The following LIMCH1 variants were observed in gnomAD, a reference collection of about 807,000 sequenced individuals.
The protein encoded by LIMCH1 is LIM and calponin homology domains 1, also known as LIM and calponin homology domains-containing protein 1.
A neutral mutation model predicts 176.5 loss-of-function variants in LIMCH1; 113 were observed. That is an observed-to-expected ratio of 0.64 (90% confidence interval 0.55 to 0.75). LIMCH1 has a LOEUF of 0.75. Among genes scored for constraint, LIMCH1 ranks in the 30% least tolerant of loss-of-function variants. The pLI is 0.00. For missense variants in LIMCH1, 1,674 were observed against 1,814.9 expected (o/e 0.92, Z 1.41); for synonymous variants, 619 against 645.9 (o/e 0.96, Z 0.63).
chr4:41,430,888 G>A (rs1301180264), intron 1 of LIMCH1, among the ~76,000 whole-genome samples: 1 of 147,742 alleles, frequency 6.8e-6, no homozygotes, highest in Non-Finnish European at 1.5e-5. Flanking sequence ...TTTCTGTTTT[G>A]TTTTTTTTTT....
At chr4:41,501,798 A>T (rs1052591301) in intron 2 of LIMCH1, among the ~76,000 whole-genome samples, 10 of 150,988 alleles carry the variant, frequency 6.6e-5, no homozygotes, top group Non-Finnish European at 1.5e-5. Context: ...TTAATTTAGA[A>T]TCAGGAAGGC....
chr4:41,599,330 T>A (rs1006660413), intron 2 of LIMCH1, among the ~76,000 whole-genome samples: 6 of 152,190 alleles, frequency 3.9e-5, no homozygotes, highest in Admixed American at 2.6e-4. Context: ...ACAGAATCAG[T>A]GTGTTAGACA....
At chr4:41,426,059 T>C (rs934048030) in intron 1 of LIMCH1, among the ~76,000 whole-genome samples, 7 of 145,606 alleles carry the variant, frequency 4.8e-5, no homozygotes, top group African/African-American at 1.8e-4. Context: ...TCTCGCTCTG[T>C]CGCCCAGGCT....
chr4:41,676,988 C>T (rs1359923237), intron 23 of LIMCH1, among the ~76,000 whole-genome samples: 2 of 151,456 alleles, frequency 1.3e-5, no homozygotes, highest in Admixed American at 1.3e-4. Flanking sequence ...CATGACGAAA[C>T]CCCGTCTCTA....
chr4:41,684,212 T>C (rs116284614), intron 26 of LIMCH1, among the ~76,000 whole-genome samples, 185 bp from the exon 27 acceptor site: 1,751 of 152,312 alleles, frequency 0.011, 19 homozygotes, highest in African/African-American at 0.027. Context: ...GCTTGTTAAA[T>C]GGGTGGATAA....
intron 1 of LIMCH1, among the ~76,000 whole-genome samples, chr4:41,463,235 T>G (rs2065633478): frequency 6.6e-6 from 1 of 152,102 alleles, no homozygotes; most frequent in African/African-American, 2.4e-5. Flanking sequence ...GACTTGGGTA[T>G]CAGCTGCTGA....
At chr4:41,529,206 T>C (rs935689591) in intron 3 of LIMCH1, among the ~76,000 whole-genome samples, 4 of 152,228 alleles carry the variant, frequency 2.6e-5, no homozygotes, top group African/African-American at 9.7e-5. Flanking sequence ...TCAGAGATCA[T>C]GCTAAATGTT....
intron 1 of LIMCH1, among the ~76,000 whole-genome samples, chr4:41,414,187 GA>G (rs1453075748): frequency 6.6e-6 from 1 of 151,976 alleles, no homozygotes. Flanking sequence ...GACAACATAG[GA>G]CAATGAATAG....
intron 2 of LIMCH1, among the ~76,000 whole-genome samples, chr4:41,510,628 G>C (rs556117859): frequency 1.3e-5 from 2 of 151,438 alleles, no homozygotes; most frequent in Non-Finnish European, 2.9e-5. Flanking sequence ...CATTCTTGTC[G>C]CCTAGGCTGG....
At chr4:41,631,090 A>T in intron 9 of LIMCH1, 58 bp from the exon 10 acceptor site, 1 of 1,333,310 alleles carries the variant, frequency 7.5e-7, no homozygotes, top group Non-Finnish European at 9.8e-7. Flanking sequence ...TTTTTTTTAA[A>T]AACCTCTTAT....
rs577396598 is a variant in LIMCH1, at chr4:41,498,758, C to T, written c.167+4152C>T. ...ATTCTCTACTTCCCTGCACATACAC[C>T]GGCCTGTTTTGAAATAACTCCAGAA... On this transcript the variant is annotated intron_variant, in intron 2 of 26. Transcript: ENST00000313860. Among the ~76,000 whole-genome samples, 10 of 152,262 alleles carry T rather than the reference C, an allele frequency of 6.6e-5. 1 individual carries two copies. The Middle Eastern group carries it at 0.014, about 207-fold the overall frequency.
chr4:41,594,919 A>G (rs1049389249), intron 1 of LIMCH1, among the ~76,000 whole-genome samples: 1 of 152,152 alleles, frequency 6.6e-6, no homozygotes, highest in Non-Finnish European at 1.5e-5. Context: ...GTGCCAAATG[A>G]TGTCCAGAGA....
At chr4:41,494,498 GAA>G (rs1299517712) in intron 1 of LIMCH1, 6 of 1,535,818 alleles carry the variant, frequency 3.9e-6, no homozygotes, top group Non-Finnish European at 3.6e-6. Context: ...GATTAAAAAA[GAA>G]AAACTTATGT....
chr4:41,541,001 C>A (rs939555357), intron 1 of LIMCH1, among the ~76,000 whole-genome samples: 1 of 152,074 alleles, frequency 6.6e-6, no homozygotes, highest in Non-Finnish European at 1.5e-5. Context: ...TAGCTCCCAA[C>A]AGGAAATGAG....
chr4:41,609,242 GTT>G (rs5857806), intron 4 of LIMCH1, among the ~76,000 whole-genome samples: 100,299 of 147,116 alleles, frequency 0.68, 34,751 homozygotes, highest in East Asian at 0.84. Context: ...CCCACCTTAT[GTT>G]TTTTTTTTTT....
intron 14 of LIMCH1, among the ~76,000 whole-genome samples, chr4:41,642,571 T>C (rs1425899243): frequency 6.6e-6 from 1 of 152,124 alleles, no homozygotes; most frequent in East Asian, 1.9e-4. Context: ...TTTATTTTAT[T>C]TTTTTGAGAT....
intron 1 of LIMCH1, among the ~76,000 whole-genome samples, chr4:41,574,879 T>C (rs1197458668): frequency 6.6e-6 from 1 of 152,212 alleles, no homozygotes; most frequent in African/African-American, 2.4e-5. Context: ...CACTCTGAGC[T>C]TTAGGTTTTA....
chr4:41,411,861 G>C (rs181359549), intron 1 of LIMCH1, among the ~76,000 whole-genome samples: 1 of 147,538 alleles, frequency 6.8e-6, no homozygotes, highest in Non-Finnish European at 1.5e-5. Context: ...GGGAGGTTGA[G>C]GCAGAAGAAT....
At chr4:41,385,705 C>T (rs2056401844) in intron 1 of LIMCH1, 1 of 152,182 alleles carries the variant, frequency 6.6e-6, no homozygotes, top group African/African-American at 2.4e-5. Flanking sequence ...GTGTCTCTGG[C>T]TTCCAGGAAG....
Sources: gnomAD v4.1 joint callset for allele counts (sites outside exome capture counted in the v4.1 genomes callset) on GRCh38, gnomAD v4.1.1 for gene constraint, MANE v1.5 for transcripts, NCBI Gene and HGNC (gene_info 2026-07-23, HGNC 2026-07-21) for gene names.